The following NTM variants were observed in gnomAD, a reference collection of about 807,000 sequenced individuals.
The protein encoded by NTM is neurotrimin, also known as IgLON family member 2.
A neutral mutation model predicts 42.1 loss-of-function variants in NTM; 13 were observed. The ratio of observed to expected loss-of-function variants is 0.31; its 90% CI spans 0.20 to 0.49. The LOEUF (loss-of-function observed/expected upper bound fraction) is 0.49, where lower values mean the gene tolerates loss of function less well. Among genes scored for constraint, NTM ranks in the 20% least tolerant of loss-of-function variants. The pLI is 0.99. For missense variants in NTM, 373 were observed against 452.8 expected (o/e 0.82, Z 1.60); for synonymous variants, 187 against 179.2 (o/e 1.04, Z -0.35).
At chr11:131,907,936 C>T (rs71483701) in intron 1 of NTM, among the ~76,000 whole-genome samples, 12,361 of 152,148 alleles carry the variant, frequency 0.081, 542 homozygotes, top group East Asian at 0.13. Flanking sequence ...CTTCAATAGC[C>T]GGTTTGAATA....
chr11:131,460,186 T>A (rs577300624), intron 1 of NTM, among the ~76,000 whole-genome samples: 9 of 152,288 alleles, frequency 5.9e-5, no homozygotes, highest in Admixed American at 3.9e-4. Flanking sequence ...ATGGCCCAGA[T>A]GATGAATAGA....
intron 1 of NTM, among the ~76,000 whole-genome samples, chr11:131,858,415 G>A (rs959581946): frequency 9.2e-5 from 14 of 152,080 alleles, no homozygotes; most frequent in African/African-American, 3.1e-4. Context: ...AGAGCAGAGG[G>A]GAATGCTGTT....
At chr11:131,949,527 G>A (rs142820440) in intron 2 of NTM, among the ~76,000 whole-genome samples, 13 of 152,222 alleles carry the variant, frequency 8.5e-5, no homozygotes, top group South Asian at 4.2e-4. Context: ...AGTTTTAGGC[G>A]TTGCACAAAG....
intron 1 of NTM, among the ~76,000 whole-genome samples, chr11:131,787,400 A>G (rs890367077): frequency 1.2e-5 from 1 of 81,454 alleles, no homozygotes; most frequent in Non-Finnish European, 2.8e-5. Context: ...ATTTTTTTTG[A>G]GACAGAGTCT....
chr11:132,019,560 A>G (rs1369780711), intron 2 of NTM, among the ~76,000 whole-genome samples: 1 of 152,020 alleles, frequency 6.6e-6, no homozygotes, highest in African/African-American at 2.4e-5. Flanking sequence ...TCATACTGAA[A>G]TATCCCAGCT....
chr11:131,808,457 A>G (rs1391837365), intron 1 of NTM, among the ~76,000 whole-genome samples: 1 of 152,246 alleles, frequency 6.6e-6, no homozygotes, highest in Non-Finnish European at 1.5e-5. Context: ...GCCTAGCATG[A>G]TGTAAATAAG....
intron 1 of NTM, among the ~76,000 whole-genome samples, chr11:131,850,941 C>T (rs1247267182): frequency 6.6e-6 from 1 of 152,120 alleles, no homozygotes; most frequent in African/African-American, 2.4e-5. Context: ...CAGAGATGTC[C>T]TGTTTTCCCA....
rs1266543995 is a variant in NTM, at chr11:131,641,666, G to GACTA, written c.83-269898_83-269897insACTA. Among the ~76,000 whole-genome samples, 3 of 152,094 alleles carry GACTA rather than the reference G, an allele frequency of 2.0e-5. No individual in the cohort carries two copies. In the East Asian group the frequency reaches 5.8e-4, roughly 29 times the overall value. On this transcript the variant is annotated intron_variant, in intron 1 of 8. Coordinates refer to ENST00000683400, the MANE Select transcript of NTM (RefSeq NM_001352005.2). ...TAGATAATTGGCAGTGGCCACAAAAGGTGCACTACTTGCAAATTAATTCAG... is the reference window on the plus strand; with the variant it reads ...TAGATAATTGGCAGTGGCCACAAAAGACTAGTGCACTACTTGCAAATTAATTCAG...
chr11:131,807,803 T>C (rs957455661), intron 1 of NTM, among the ~76,000 whole-genome samples: 1 of 152,248 alleles, frequency 6.6e-6, no homozygotes, highest in Non-Finnish European at 1.5e-5. Flanking sequence ...TTTCTCCCTT[T>C]ATACCTTTCA....
At chr11:132,182,108 T>C (rs1428294797) in intron 3 of NTM, among the ~76,000 whole-genome samples, 1 of 152,112 alleles carries the variant, frequency 6.6e-6, no homozygotes, top group Non-Finnish European at 1.5e-5. Flanking sequence ...TGTTAACTAA[T>C]GCCACCAACA....
intron 1 of NTM, among the ~76,000 whole-genome samples, chr11:131,483,116 G>A (rs1472102355): frequency 1.3e-5 from 2 of 152,178 alleles, no homozygotes; most frequent in Non-Finnish European, 2.9e-5. Flanking sequence ...GGTCATATGG[G>A]GTTCTGGGAT....
intron 2 of NTM, among the ~76,000 whole-genome samples, chr11:132,032,108 T>C (rs537373972): frequency 3.9e-5 from 6 of 152,328 alleles, no homozygotes; most frequent in Non-Finnish European, 7.3e-5. Flanking sequence ...GACTCTATGC[T>C]GCTGACTCCA....
intron 1 of NTM, among the ~76,000 whole-genome samples, chr11:131,423,697 C>A (rs557286435): frequency 6.6e-6 from 1 of 152,270 alleles, no homozygotes; most frequent in South Asian, 2.1e-4. Context: ...AGACCATGAG[C>A]GCTTTCTGAT....
At chr11:131,472,202 T>G (rs1030677514) in intron 1 of NTM, among the ~76,000 whole-genome samples, 1 of 152,176 alleles carries the variant, frequency 6.6e-6, no homozygotes, top group African/African-American at 2.4e-5. Context: ...GGGTGACACA[T>G]GAGGAAGTCA....
At chr11:131,439,398 T>C (rs1949419286) in intron 1 of NTM, among the ~76,000 whole-genome samples, 1 of 152,220 alleles carries the variant, frequency 6.6e-6, no homozygotes, top group African/African-American at 2.4e-5. Context: ...TGTTCAGCTA[T>C]GCCCTACCCA....
intron 2 of NTM, among the ~76,000 whole-genome samples, chr11:131,946,450 A>G (rs2060354385): frequency 6.6e-6 from 1 of 152,208 alleles, no homozygotes; most frequent in African/African-American, 2.4e-5. Context: ...CAAAATAAAA[A>G]GAAAATGTAA....
At chr11:131,816,744 G>A (rs539437834) in intron 1 of NTM, among the ~76,000 whole-genome samples, 5 of 152,170 alleles carry the variant, frequency 3.3e-5, no homozygotes, top group African/African-American at 1.2e-4. Context: ...TCTTTCCTAG[G>A]AGCCCTATTC....
chr11:132,041,397 G>A (rs750229955), intron 2 of NTM, among the ~76,000 whole-genome samples: 3 of 152,152 alleles, frequency 2.0e-5, no homozygotes, highest in Non-Finnish European at 4.4e-5. Context: ...AGTGAAGAAT[G>A]TTTATGAGAC....
intron 1 of NTM, among the ~76,000 whole-genome samples, chr11:131,893,311 G>A (rs2051684038): frequency 6.6e-6 from 1 of 152,190 alleles, no homozygotes; most frequent in African/African-American, 2.4e-5. Context: ...GCAAATACAG[G>A]TATATAAATG....
Sources: allele counts gnomAD v4.1 joint callset (sites outside exome capture counted in the v4.1 genomes callset), GRCh38; gene constraint gnomAD v4.1.1; transcripts MANE v1.5; gene names NCBI Gene and HGNC (gene_info 2026-07-23, HGNC 2026-07-21).